Variants in LRRC28 observed in about 807,000 individuals in gnomAD.
LRRC28 encodes leucine-rich repeat-containing protein 28.
In LRRC28, 39 loss-of-function variants were observed where a neutral mutation model predicts 45.7. That is an observed-to-expected ratio of 0.85 (90% CI 0.66 to 1.12). LRRC28 has a LOEUF of 1.12. Ranked by LOEUF, LRRC28 falls within the 50% of genes most tolerant of loss-of-function variation. LRRC28 has a pLI of 0.00. For synonymous variants in LRRC28, 206 were observed against 178.8 expected, an observed-to-expected ratio of 1.15 and a Z score of -1.22; for missense variants, 435 against 438.5, an observed-to-expected ratio of 0.99 and a Z score of 0.07.
At chr15:99,362,742 A>C (rs975944771) in intron 8 of LRRC28, among the ~76,000 whole-genome samples, 42 of 152,274 alleles carry the variant, frequency 2.8e-4, no homozygotes, top group African/African-American at 8.7e-4. Flanking sequence ...AGTTTTAGTC[A>C]TCAGTTCCAA....
intron 6 of LRRC28, 73 bp downstream of exon 6, chr15:99,334,202 A>G (rs1458462234): frequency 4.6e-6 from 7 of 1,526,496 alleles, no homozygotes; most frequent in Admixed American, 1.7e-5. Flanking sequence ...ACTAGAACCA[A>G]TTAGTTAGTT....
chr15:99,251,588 C>T (rs2080784408), intron 1 of LRRC28, 47 bp downstream of exon 1: 1 of 152,324 alleles, frequency 6.6e-6, no homozygotes, highest in Admixed American at 6.5e-5. Context: ...TGGCGAGGCT[C>T]TCTGACCCGG....
chr15:99,311,242 A>G (rs1955398690), intron 5 of LRRC28, among the ~76,000 whole-genome samples: 1 of 152,140 alleles, frequency 6.6e-6, no homozygotes, highest in Admixed American at 6.6e-5. Context: ...TCAGGTGTAT[A>G]ATTTTCCACT....
chr15:99,283,661 A>G (rs1198334870), intron 3 of LRRC28, among the ~76,000 whole-genome samples: 1 of 151,658 alleles, frequency 6.6e-6, no homozygotes, highest in Admixed American at 6.6e-5. Flanking sequence ...ATTTGTCAAA[A>G]CTAAGAAACT....
chr15:99,381,966 T>C (rs1461224694), intron 9 of LRRC28, among the ~76,000 whole-genome samples: 1 of 152,228 alleles, frequency 6.6e-6, no homozygotes, highest in Non-Finnish European at 1.5e-5. Context: ...CCAGTTAGGC[T>C]ACTCAGGGGT....
chr15:99,382,861 A>G (rs149043443), intron 9 of LRRC28, among the ~76,000 whole-genome samples: 12 of 151,864 alleles, frequency 7.9e-5, no homozygotes, highest in African/African-American at 2.7e-4. Context: ...CTAATTTTCT[A>G]TCTAGTATAT....
At chr15:99,363,557 A>G (rs1957264794) in intron 9 of LRRC28, among the ~76,000 whole-genome samples, 1 of 152,172 alleles carries the variant, frequency 6.6e-6, no homozygotes. Context: ...AGTAGCCTTT[A>G]GGCAATAAGG....
chr15:99,347,052 A>G (rs1956705885), intron 6 of LRRC28, among the ~76,000 whole-genome samples: 1 of 152,192 alleles, frequency 6.6e-6, no homozygotes, highest in Non-Finnish European at 1.5e-5. Context: ...TTATTTAACA[A>G]AATTCTGTAA....
intron 9 of LRRC28, among the ~76,000 whole-genome samples, chr15:99,367,295 A>G (rs117585801): frequency 0.02 from 3,060 of 152,316 alleles, 48 homozygotes; most frequent in Non-Finnish European, 0.033. Flanking sequence ...TGACAGAGTA[A>G]TTGAGATTGG....
chr15:99,323,071 T>C (rs1955854033), intron 5 of LRRC28, among the ~76,000 whole-genome samples: 1 of 152,214 alleles, frequency 6.6e-6, no homozygotes, highest in Admixed American at 6.5e-5. Flanking sequence ...TTTACTGCTT[T>C]TGTAGATTCT....
At chr15:99,359,021 G>C (rs1437907018) in intron 7 of LRRC28, among the ~76,000 whole-genome samples, 2 of 151,802 alleles carry the variant, frequency 1.3e-5, no homozygotes, top group Non-Finnish European at 2.9e-5. Context: ...GTTGCAATGA[G>C]TTGAGATCAC....
intron 4 of LRRC28, 86 bp downstream of exon 4, chr15:99,287,380 C>A (rs1038370613): frequency 2.9e-6 from 3 of 1,044,138 alleles, no homozygotes; most frequent in Non-Finnish European, 4.0e-6. Context: ...TTTTAAGACA[C>A]CTTTAATTTT....
chr15:99,335,837 A>G (rs1012946655), intron 6 of LRRC28, among the ~76,000 whole-genome samples: 1 of 152,152 alleles, frequency 6.6e-6, no homozygotes, highest in African/African-American at 2.4e-5. Context: ...ACATGAGGGA[A>G]GGCAAGGAGA....
At chr15:99,365,675 C>T (rs1246347149) in intron 9 of LRRC28, among the ~76,000 whole-genome samples, 1 of 152,142 alleles carries the variant, frequency 6.6e-6, no homozygotes, top group Non-Finnish European at 1.5e-5. Flanking sequence ...TCATAAAATA[C>T]ATTATATCAG....
At chr15:99,324,353 G>A (rs922006664) in intron 5 of LRRC28, among the ~76,000 whole-genome samples, 9 of 152,272 alleles carry the variant, frequency 5.9e-5, no homozygotes, top group Non-Finnish European at 8.8e-5. Flanking sequence ...TGAAACCTCA[G>A]AAAGCTAAAC....
rs561910311 is a variant in LRRC28, at chr15:99,263,872, T to C, written c.168+7747T>C. On this transcript the variant is annotated intron_variant, in intron 2 of 9. Coordinates refer to ENST00000301981, the MANE Select transcript of LRRC28 (RefSeq NM_144598.5). ...ATCATGGAACAGCTGCTGCTTCTTATGGAATTTTCATTTGTTGGAATTTCA... is the reference window on the plus strand; with the variant it reads ...ATCATGGAACAGCTGCTGCTTCTTACGGAATTTTCATTTGTTGGAATTTCA... Among the ~76,000 whole-genome samples the C allele has an allele frequency of 7.7e-4, 117 of 152,298 alleles. 1 individual carries two copies. The highest frequency in any genetic ancestry group is 2.6e-3 in the African/African-American group (110 of 41,550).
intron 5 of LRRC28, among the ~76,000 whole-genome samples, chr15:99,297,758 T>C (rs891534350): frequency 2.0e-5 from 3 of 151,724 alleles, no homozygotes; most frequent in African/African-American, 7.2e-5. Flanking sequence ...CAGAAAAATA[T>C]TTTTACTATA....
intron 9 of LRRC28, among the ~76,000 whole-genome samples, chr15:99,381,403 C>G (rs1049578252): frequency 3.3e-5 from 5 of 152,312 alleles, no homozygotes; most frequent in African/African-American, 1.2e-4. Flanking sequence ...AAGGACTTCT[C>G]TATATTGGTT....
chr15:99,315,480 T>A (rs951394950), intron 5 of LRRC28, among the ~76,000 whole-genome samples: 1 of 152,208 alleles, frequency 6.6e-6, no homozygotes, highest in African/African-American at 2.4e-5. Flanking sequence ...AACAGAATTC[T>A]AGGATCTCAT....
Sources: gnomAD v4.1 joint callset for allele counts (sites outside exome capture counted in the v4.1 genomes callset) on GRCh38, gnomAD v4.1.1 for gene constraint, MANE v1.5 for transcripts, NCBI Gene and HGNC (gene_info 2026-07-23, HGNC 2026-07-21) for gene names.